Variants in ARHGAP10 observed in about 807,000 individuals in gnomAD.
ARHGAP10 encodes the protein Rho GTPase activating protein 10.
ARHGAP10 carries 87 observed loss-of-function variants against 108.6 expected under a neutral mutation model. That is an observed-to-expected ratio of 0.80 (90% confidence interval 0.67 to 0.96). The LOEUF (loss-of-function observed/expected upper bound fraction) is 0.96, where lower values mean the gene tolerates loss of function less well. Ranked by LOEUF, ARHGAP10 falls within the 40% of genes least tolerant of loss-of-function variation. The pLI, the probability that ARHGAP10 is intolerant of heterozygous loss-of-function variation, is 0.00. For synonymous variants in ARHGAP10, 347 were observed against 341.1 expected (o/e 1.02, Z -0.19); for missense variants, 939 against 954.5 (o/e 0.98, Z 0.21).
At chr4:147,866,163 A>G (rs1435512293) in intron 6 of ARHGAP10, 1 of 152,210 alleles carries the variant, frequency 6.6e-6, no homozygotes, top group African/African-American at 2.4e-5. Flanking sequence ...AGATTTATTG[A>G]CTTACATGTG....
chr4:148,026,627 AC>A (rs1367260002), intron 19 of ARHGAP10, among the ~76,000 whole-genome samples: 2 of 152,234 alleles, frequency 1.3e-5, no homozygotes, highest in African/African-American at 2.4e-5. Context: ...ATTAATATGA[AC>A]TAAAATGGAT....
At position 147,941,979 on chromosome 4, in the gene ARHGAP10, C is replaced by CA. The variant is rs199654685; in HGVS notation, c.1303+2087dup. 5.3e-3 allele frequency among the ~76,000 whole-genome samples: 809 copies of CA among 151,822 alleles called. 34 individuals are homozygous for CA. Among genetic ancestry groups the CA allele is most frequent in the Admixed American group, 0.048 (739 of 15,254 alleles). The stretch of plus-strand genomic sequence containing the variant: ...AATGGAAATAATTTAACGCCTCTTC[C>CA]AAAAAAAGGGTTTTAGAGTTTTGAA... On this transcript the variant is annotated intron_variant, in intron 14 of 22. Transcript: ENST00000336498.
At chr4:148,004,802 C>G (rs889848222) in intron 18 of ARHGAP10, among the ~76,000 whole-genome samples, 1 of 152,202 alleles carries the variant, frequency 6.6e-6, no homozygotes, top group African/African-American at 2.4e-5. Context: ...CTGAGGACCT[C>G]CAGAGCAGAA....
intron 22 of ARHGAP10, among the ~76,000 whole-genome samples, chr4:148,071,646 A>C (rs543303604): frequency 1.2e-4 from 18 of 151,190 alleles, no homozygotes; most frequent in African/African-American, 3.4e-4. Context: ...AACAAAAAAA[A>C]ACACAAAAAG....
chr4:148,037,708 G>A (rs1308633455), intron 19 of ARHGAP10, among the ~76,000 whole-genome samples: 1 of 151,954 alleles, frequency 6.6e-6, no homozygotes, highest in Non-Finnish European at 1.5e-5. Flanking sequence ...GGTGGCGTGT[G>A]CCTGTAATCC....
chr4:147,892,509 C>T (rs915664931), intron 10 of ARHGAP10, among the ~76,000 whole-genome samples: 3 of 151,760 alleles, frequency 2.0e-5, no homozygotes, highest in Non-Finnish European at 4.4e-5. Flanking sequence ...ACTCACAGAC[C>T]AGGAGGATTT....
At chr4:147,875,818 A>G (rs1194369212) in intron 8 of ARHGAP10, among the ~76,000 whole-genome samples, 3 of 152,236 alleles carry the variant, frequency 2.0e-5, no homozygotes, top group Admixed American at 2.0e-4. Flanking sequence ...CATTTTGAAA[A>G]TTAAAAGACC....
At chr4:147,771,829 G>A (rs1020510994) in intron 1 of ARHGAP10, among the ~76,000 whole-genome samples, 2 of 152,014 alleles carry the variant, frequency 1.3e-5, no homozygotes, top group African/African-American at 4.8e-5. Context: ...GTCTTGCCTT[G>A]TCACCAGGCT....
At chr4:147,874,307 G>A (rs1579145500) in intron 7 of ARHGAP10, among the ~76,000 whole-genome samples, 3 of 152,262 alleles carry the variant, frequency 2.0e-5, no homozygotes, top group South Asian at 4.1e-4. Flanking sequence ...GTGCTGACTC[G>A]TCACAATTGC....
At chr4:147,739,660 A>G (rs1393920017) in intron 1 of ARHGAP10, among the ~76,000 whole-genome samples, 1 of 151,952 alleles carries the variant, frequency 6.6e-6, no homozygotes, top group Non-Finnish European at 1.5e-5. Flanking sequence ...AATACTCAAA[A>G]GTGCTCTGGA....
intron 18 of ARHGAP10, among the ~76,000 whole-genome samples, chr4:147,987,353 C>A (rs957902515): frequency 6.6e-6 from 1 of 152,216 alleles, no homozygotes; most frequent in Non-Finnish European, 1.5e-5. Flanking sequence ...TGATTTCCTT[C>A]CCCTTCTAGA....
intron 18 of ARHGAP10, among the ~76,000 whole-genome samples, chr4:147,971,713 G>C (rs1202908095): frequency 6.6e-6 from 1 of 152,200 alleles, no homozygotes; most frequent in Non-Finnish European, 1.5e-5. Context: ...CGGGCCAGGT[G>C]TGGGAGGTTG....
At chr4:147,796,554 C>T (rs1284106490) in intron 1 of ARHGAP10, among the ~76,000 whole-genome samples, 1 of 151,962 alleles carries the variant, frequency 6.6e-6, no homozygotes, top group Non-Finnish European at 1.5e-5. Flanking sequence ...GAAGGAGTCT[C>T]ACTCTGTCGC....
chr4:147,990,147 G>T (rs1392819660), intron 18 of ARHGAP10, among the ~76,000 whole-genome samples: 1 of 152,146 alleles, frequency 6.6e-6, no homozygotes, highest in Non-Finnish European at 1.5e-5. Flanking sequence ...TTCAGGTCAG[G>T]TCTTCATGGT....
chr4:147,953,419 T>G (rs549597596), intron 15 of ARHGAP10, among the ~76,000 whole-genome samples: 1 of 152,100 alleles, frequency 6.6e-6, no homozygotes. Flanking sequence ...ACTGGCAAGA[T>G]TTTTAACCAC....
At chr4:148,037,595 G>T (rs1183583922) in intron 19 of ARHGAP10, among the ~76,000 whole-genome samples, 1 of 152,134 alleles carries the variant, frequency 6.6e-6, no homozygotes, top group Non-Finnish European at 1.5e-5. Context: ...AACCCTTTGG[G>T]AGGCCAAGGC....
At chr4:147,870,930 G>A (rs10030122) in intron 7 of ARHGAP10, among the ~76,000 whole-genome samples, 23 of 42,172 alleles carry the variant, frequency 5.5e-4, no homozygotes, top group East Asian at 5.3e-3. Flanking sequence ...ACTACAGACT[G>A]TGTGTGTGTG....
chr4:147,893,714 T>C lies in ARHGAP10; in HGVS notation c.1034+11782T>C, dbSNP rs1300398330. On this transcript the variant is annotated intron_variant, in intron 10 of 22. Transcript: ENST00000336498. ...GGAAAGGGCTTTGTGTCTTGACTCT[T>C]CCATGTGATTTGTTCAATGATGATC... Among the ~76,000 whole-genome samples, 8 of 151,942 alleles carry C rather than the reference T, an allele frequency of 5.3e-5. No individual in the cohort carries two copies. In the East Asian group the frequency reaches 1.5e-3, roughly 29 times the overall value.
At chr4:147,999,926 GT>G (rs11298127) in intron 18 of ARHGAP10, among the ~76,000 whole-genome samples, 23,741 of 143,184 alleles carry the variant, frequency 0.17, 2,603 homozygotes, top group African/African-American at 0.32. Context: ...TATTAACAGT[GT>G]TTTTTTTTTT....
Sources: allele counts gnomAD v4.1 joint callset (sites outside exome capture counted in the v4.1 genomes callset), GRCh38; gene constraint gnomAD v4.1.1; transcripts MANE v1.5; gene names NCBI Gene and HGNC (gene_info 2026-07-23, HGNC 2026-07-21).